Variants in KIAA1958 observed in about 807,000 individuals in gnomAD.
KIAA1958 encodes KIAA1958.
Under a neutral mutation model 47.2 loss-of-function variants are expected in KIAA1958, and 14 were observed. That is an observed-to-expected ratio of 0.30 (90% CI 0.20 to 0.46). The LOEUF (loss-of-function observed/expected upper bound fraction) is 0.46, where lower values mean the gene tolerates loss of function less well. Among genes scored for constraint, KIAA1958 ranks in the 20% least tolerant of loss-of-function variants. The pLI is 1.00. For missense variants in KIAA1958, 803 were observed against 909.2 expected (o/e 0.88, Z 1.50); for synonymous variants, 354 against 353.3 (o/e 1.00, Z -0.02).
chr9:112,573,989 CTG>C, intron 1 of KIAA1958, 66 bp from the exon 2 acceptor site: 1 of 802,544 alleles, frequency 1.2e-6, no homozygotes, highest in Non-Finnish European at 2.0e-6. Flanking sequence ...TTGGAACAAA[CTG>C]AAGTAATTGA....
At chr9:112,502,754 GT>G (rs1227959379) in intron 1 of KIAA1958, among the ~76,000 whole-genome samples, 1 of 152,212 alleles carries the variant, frequency 6.6e-6, no homozygotes, top group East Asian at 1.9e-4. Context: ...GAATTGAGTA[GT>G]TACGATAGAG....
intron 2 of KIAA1958, among the ~76,000 whole-genome samples, chr9:112,606,625 A>G (rs1033912839): frequency 6.6e-6 from 1 of 152,214 alleles, no homozygotes; most frequent in South Asian, 2.1e-4. Flanking sequence ...AAAATTTTTT[A>G]TCATCAGCAT....
At chr9:112,562,958 G>A (rs1835360362) in intron 1 of KIAA1958, among the ~76,000 whole-genome samples, 1 of 149,322 alleles carries the variant, frequency 6.7e-6, no homozygotes, top group Non-Finnish European at 1.5e-5. Flanking sequence ...GAGCCACCTA[G>A]CCTTTATGAA....
At chr9:112,647,791 A>G (rs1837000630) in intron 3 of KIAA1958, among the ~76,000 whole-genome samples, 1 of 152,248 alleles carries the variant, frequency 6.6e-6, no homozygotes, top group Non-Finnish European at 1.5e-5. Context: ...CTGTCATCTC[A>G]GGATTTCTGC....
At chr9:112,595,966 G>A (rs986750792) in intron 2 of KIAA1958, among the ~76,000 whole-genome samples, 2 of 151,934 alleles carry the variant, frequency 1.3e-5, no homozygotes, top group African/African-American at 4.8e-5. Context: ...TGCATTTTTA[G>A]TAAAGACGGG....
At chr9:112,527,125 C>T (rs1426550601) in intron 1 of KIAA1958, among the ~76,000 whole-genome samples, 3 of 152,172 alleles carry the variant, frequency 2.0e-5, no homozygotes, top group Non-Finnish European at 4.4e-5. Flanking sequence ...TAGGGTTACT[C>T]TGTCACACAA....
chr9:112,556,725 A>C (rs958643707), intron 1 of KIAA1958, among the ~76,000 whole-genome samples: 22 of 152,330 alleles, frequency 1.4e-4, no homozygotes, highest in Non-Finnish European at 2.6e-4. Context: ...ACTTGTTGAA[A>C]GATTTTAATC....
intron 1 of KIAA1958, among the ~76,000 whole-genome samples, chr9:112,569,668 T>C (rs1835499990): frequency 6.6e-6 from 1 of 151,854 alleles, no homozygotes; most frequent in Admixed American, 6.6e-5. Flanking sequence ...TCACCCAGGC[T>C]GGTGTGCAAT....
At position 112,661,265 on chromosome 9, in the gene KIAA1958, G is replaced by C. The variant is rs1382243195; in HGVS notation, c.*1196G>C. The C allele has an allele frequency of 2.0e-5, 3 of 152,178 alleles. No homozygotes were observed. Among genetic ancestry groups the C allele is most frequent in the Non-Finnish European group, 4.4e-5 (3 of 68,024 alleles). The allele number at this position is 152,178 out of a possible 1,614,324, so 9.4% of individuals were successfully genotyped here. ...CGCATAATGGTAGGTAATGCAGTTT[G>C]AAACCATTTCACTCAGGTAAAATGC... is the stretch of plus-strand genomic sequence containing the variant. On this transcript the variant is annotated 3_prime_UTR_variant, in exon 4 of 4. Coordinates refer to ENST00000337530, the MANE Select transcript of KIAA1958 (RefSeq NM_133465.4).
intron 2 of KIAA1958, among the ~76,000 whole-genome samples, chr9:112,628,075 G>C (rs959303742): frequency 1.3e-5 from 2 of 152,148 alleles, no homozygotes; most frequent in African/African-American, 2.4e-5. Flanking sequence ...TAAAATGAGT[G>C]GGGGGAAGCT....
chr9:112,603,728 C>G (rs1195906071), intron 2 of KIAA1958, among the ~76,000 whole-genome samples: 1 of 152,176 alleles, frequency 6.6e-6, no homozygotes, highest in African/African-American at 2.4e-5. Context: ...AGGGACTTAC[C>G]TTTGACTACA....
intron 1 of KIAA1958, among the ~76,000 whole-genome samples, chr9:112,492,368 C>T (rs1016955523): frequency 1.3e-5 from 2 of 152,180 alleles, no homozygotes; most frequent in African/African-American, 2.4e-5. Context: ...GATTAGGGCA[C>T]ACACATATGA....
At chr9:112,649,918 T>G (rs1452463971) in intron 3 of KIAA1958, among the ~76,000 whole-genome samples, 1 of 152,070 alleles carries the variant, frequency 6.6e-6, no homozygotes, top group African/African-American at 2.4e-5. Flanking sequence ...GGAATGAAGA[T>G]TACTGGAAAT....
At chr9:112,578,330 C>G (rs1004614556) in intron 2 of KIAA1958, among the ~76,000 whole-genome samples, 4 of 152,106 alleles carry the variant, frequency 2.6e-5, no homozygotes, top group African/African-American at 9.7e-5. Flanking sequence ...ATGTGAATGA[C>G]TTGGTTACGG....
rs531700103 is a variant in KIAA1958, at chr9:112,540,908, G to A, written c.-24-33149G>A. On this transcript the variant is annotated intron_variant, in intron 1 of 3. Transcript: ENST00000337530. ...TTTTTTATTTTTTATTTTTTGTAGA[G>A]ACAGAGTTAATTGTGTTGCCTGGGC... Among the ~76,000 whole-genome samples the A allele has an allele frequency of 3.9e-5, 6 of 151,972 alleles. No homozygotes were observed. In the East Asian group the frequency reaches 1.2e-3, roughly 29 times the overall value.
At chr9:112,548,156 A>G (rs1835076624) in intron 1 of KIAA1958, among the ~76,000 whole-genome samples, 1 of 151,962 alleles carries the variant, frequency 6.6e-6, no homozygotes. Context: ...GGCAAGCGCC[A>G]CCACACCCAG....
At chr9:112,658,509 A>G (rs1362819030) in intron 3 of KIAA1958, among the ~76,000 whole-genome samples, 3 of 152,120 alleles carry the variant, frequency 2.0e-5, no homozygotes, top group Non-Finnish European at 2.9e-5. Flanking sequence ...ACCAATAATA[A>G]TAAGTGTGTA....
At chr9:112,612,018 A>G (rs1836335995) in intron 2 of KIAA1958, among the ~76,000 whole-genome samples, 1 of 137,764 alleles carries the variant, frequency 7.3e-6, no homozygotes, top group South Asian at 2.4e-4. Flanking sequence ...AGAAAAATAT[A>G]TATTATTGAC....
Position 112,618,932 on chromosome 9 carries a change from A to G in KIAA1958, c.1172-26718A>G. 1 of 1,506,540 alleles carries G rather than the reference A, an allele frequency of 6.6e-7. No homozygotes were observed. The highest frequency in any genetic ancestry group is 8.9e-7 in the Non-Finnish European group (1 of 1,117,876). The allele number at this position is 1,506,540 out of a possible 1,614,324, so 93.3% of individuals were successfully genotyped here. A position where few individuals can be genotyped will look rare whatever the true frequency, so the allele number is the denominator to read the frequency against. ...CACCGCTTGACCAGGTGGCTTGAGC[A>G]AGACTCCAGTTTGGTTACTGTGTCC... On this transcript the variant is annotated intron_variant, in intron 2 of 3. Transcript: ENST00000337530. This position sits in a 1 kb window ranked among gnomAD's most constrained non-coding sequence, Gnocchi z 7.1.
Sources: gnomAD v4.1 joint callset for allele counts (sites outside exome capture counted in the v4.1 genomes callset) on GRCh38, gnomAD v4.1.1 for gene constraint, Gnocchi (gnomAD v3.1) non-coding constraint, MANE v1.5 for transcripts, NCBI Gene and HGNC (gene_info 2026-07-23, HGNC 2026-07-21) for gene names.